CTNND2: variants seen among roughly 807,000 people sequenced by gnomAD.
CTNND2 encodes the protein catenin delta-2.
Under a neutral mutation model 144.4 loss-of-function variants are expected in CTNND2, and 22 were observed. The observed-to-expected ratio is 0.15, with a 90% CI of 0.11 to 0.22. The LOEUF (loss-of-function observed/expected upper bound fraction) is 0.22. Ranked by LOEUF, CTNND2 falls within the 10% of genes least tolerant of loss-of-function variation. The pLI is 1.00. For missense variants in CTNND2, 1,353 were observed against 1,618.8 expected, an observed-to-expected ratio of 0.84 and a Z score of 2.82; for synonymous variants, 751 against 695.6, an observed-to-expected ratio of 1.08 and a Z score of -1.25.
intron 7 of CTNND2, among the ~76,000 whole-genome samples, chr5:11,381,214 C>T (rs1758450254): frequency 6.6e-6 from 1 of 152,202 alleles, no homozygotes; most frequent in Non-Finnish European, 1.5e-5. Flanking sequence ...TAAATTACTG[C>T]AATCAGCTCC....
chr5:11,323,987 C>G (rs560396579), intron 9 of CTNND2, among the ~76,000 whole-genome samples: 1 of 152,016 alleles, frequency 6.6e-6, no homozygotes, highest in African/African-American at 2.4e-5. Context: ...GATGGAAGCA[C>G]GTCACCATCT....
At chr5:11,298,413 C>T (rs201796052) in intron 9 of CTNND2, among the ~76,000 whole-genome samples, 1 of 152,180 alleles carries the variant, frequency 6.6e-6, no homozygotes, top group East Asian at 1.9e-4. Flanking sequence ...TCAAGTGATC[C>T]TCCCACCTTG....
At chr5:11,171,783 G>A (rs969541971) in intron 11 of CTNND2, among the ~76,000 whole-genome samples, 1 of 152,178 alleles carries the variant, frequency 6.6e-6, no homozygotes, top group Non-Finnish European at 1.5e-5. Flanking sequence ...TTCTATGGGA[G>A]AGGGAGGTCT....
chr5:11,857,403 C>T (rs1308680306), intron 1 of CTNND2, among the ~76,000 whole-genome samples: 1 of 152,186 alleles, frequency 6.6e-6, no homozygotes, highest in Non-Finnish European at 1.5e-5. Context: ...GGCTGGAGCA[C>T]AGCAGTCAAT....
chr5:11,357,690 T>G (rs1222407814), intron 8 of CTNND2, among the ~76,000 whole-genome samples: 1 of 152,118 alleles, frequency 6.6e-6, no homozygotes, highest in East Asian at 1.9e-4. Context: ...CTTTTGAATG[T>G]TCTCACCACA....
At chr5:11,688,823 A>G (rs971136945) in intron 2 of CTNND2, among the ~76,000 whole-genome samples, 2 of 152,192 alleles carry the variant, frequency 1.3e-5, no homozygotes, top group African/African-American at 4.8e-5. Context: ...AGCAAGGCAG[A>G]AAGAGGGAGA....
At chr5:11,452,089 A>C (rs1765359538) in intron 3 of CTNND2, among the ~76,000 whole-genome samples, 1 of 152,240 alleles carries the variant, frequency 6.6e-6, no homozygotes, top group Non-Finnish European at 1.5e-5. Flanking sequence ...GGATTAGCTT[A>C]CTTTAATAAT....
chr5:11,699,184 G>C (rs1036206434), intron 2 of CTNND2, among the ~76,000 whole-genome samples: 1 of 152,084 alleles, frequency 6.6e-6, no homozygotes, highest in Admixed American at 6.5e-5. Flanking sequence ...AATCAGAATC[G>C]TAAGCACTGG....
At chr5:11,675,171 T>C (rs1338631120) in intron 2 of CTNND2, among the ~76,000 whole-genome samples, 1 of 152,038 alleles carries the variant, frequency 6.6e-6, no homozygotes, top group Non-Finnish European at 1.5e-5. Flanking sequence ...CTCAAAAAAG[T>C]AGAAAAAAAG....
At chr5:11,761,285 T>C (rs1789247642) in intron 1 of CTNND2, among the ~76,000 whole-genome samples, 1 of 151,616 alleles carries the variant, frequency 6.6e-6, no homozygotes, top group Admixed American at 6.6e-5. Context: ...CAATTTAGAA[T>C]AACAAATCTA....
intron 1 of CTNND2, among the ~76,000 whole-genome samples, chr5:11,878,035 C>A (rs1735693063): frequency 1.3e-5 from 2 of 152,016 alleles, no homozygotes; most frequent in Non-Finnish European, 2.9e-5. Flanking sequence ...AGGCAATTAT[C>A]TTCTACTCAA....
At chr5:11,064,438 C>G (rs1747331094) in intron 16 of CTNND2, among the ~76,000 whole-genome samples, 1 of 152,010 alleles carries the variant, frequency 6.6e-6, no homozygotes, top group African/African-American at 2.4e-5. Context: ...AGGCTGATTC[C>G]CACCATCCGG....
At chr5:11,408,174 C>T (rs543050769) in intron 5 of CTNND2, among the ~76,000 whole-genome samples, 9 of 152,216 alleles carry the variant, frequency 5.9e-5, no homozygotes, top group African/African-American at 2.2e-4. Context: ...ATCTTGCCCA[C>T]CTCTTCATAA....
intron 1 of CTNND2, among the ~76,000 whole-genome samples, chr5:11,801,648 A>T (rs907406053): frequency 2.6e-5 from 4 of 152,100 alleles, no homozygotes; most frequent in African/African-American, 9.7e-5. Flanking sequence ...TCTTTTGTAT[A>T]TGCTTATATG....
At chr5:11,866,960 G>T (rs1337260067) in intron 1 of CTNND2, among the ~76,000 whole-genome samples, 10 of 152,142 alleles carry the variant, frequency 6.6e-5, no homozygotes, top group African/African-American at 2.4e-4. Flanking sequence ...CTAGATATCT[G>T]CAAGCACATC....
At chr5:11,642,786 A>G (rs1339415602) in intron 2 of CTNND2, among the ~76,000 whole-genome samples, 1 of 152,214 alleles carries the variant, frequency 6.6e-6, no homozygotes, top group East Asian at 1.9e-4. Flanking sequence ...ATTCTAAGCA[A>G]TGTCACAGAT....
At chr5:11,109,183 A>G (rs965971966) in intron 14 of CTNND2, among the ~76,000 whole-genome samples, 2 of 152,334 alleles carry the variant, frequency 1.3e-5, no homozygotes, top group South Asian at 2.1e-4. Context: ...ATGAGTTTGC[A>G]AGGACCTCTT....
chr5:11,532,426 A>G (rs1397271328), intron 3 of CTNND2, among the ~76,000 whole-genome samples: 1 of 152,022 alleles, frequency 6.6e-6, no homozygotes, highest in Non-Finnish European at 1.5e-5. Context: ...TTAATTTCCA[A>G]CATTTTTGAG....
chr5:11,559,161 A>G (rs1776482253), intron 3 of CTNND2, among the ~76,000 whole-genome samples: 1 of 152,138 alleles, frequency 6.6e-6, no homozygotes, highest in Admixed American at 6.5e-5. Flanking sequence ...ATATTTATAC[A>G]CGTGTGTGGG....
Sources: allele counts gnomAD v4.1 joint callset (sites outside exome capture counted in the v4.1 genomes callset), GRCh38; gene constraint gnomAD v4.1.1; transcripts MANE v1.5; gene names NCBI Gene and HGNC (gene_info 2026-07-23, HGNC 2026-07-21).